The following USF1 variants were observed in gnomAD, a reference collection of about 807,000 sequenced individuals.
The protein encoded by USF1 is upstream transcription factor 1, also known as upstream stimulatory factor 1.
Under a neutral mutation model 46.3 loss-of-function variants are expected in USF1, and 22 were observed. The ratio of observed to expected loss-of-function variants is 0.47; its 90% confidence interval spans 0.34 to 0.68. The LOEUF (loss-of-function observed/expected upper bound fraction) is 0.68. Ranked by LOEUF, USF1 falls within the 30% of genes least tolerant of loss-of-function variation. The probability of loss-of-function intolerance (pLI) is 0.01; values close to 1 mark genes in which losing one functional copy is unlikely to be tolerated. For synonymous variants in USF1, 150 were observed against 147.0 expected (o/e 1.02, Z -0.15); for missense variants, 287 against 399.3 (o/e 0.72, Z 2.40).
chr1:161,043,148 A>C, intron 2 of USF1, 120 bp downstream of exon 2: 1 of 1,549,050 alleles, frequency 6.5e-7, no homozygotes, highest in Non-Finnish European at 8.9e-7. Context: ...ATCACACAGT[A>C]AGTGATAGAG....
At position 161,039,284 on chromosome 1, in the gene USF1, AAAAAAAAAAAAAAAAAGAAAAG is replaced by A. The variant is rs1650404375; in HGVS notation, c.*614_*635del. On this transcript the variant is annotated 3_prime_UTR_variant, in exon 11 of 11. Coordinates refer to ENST00000368021, the MANE Select transcript of USF1 (RefSeq NM_007122.5). The stretch of plus-strand genomic sequence containing the variant: ...AACAATTTTATCTTAAAAAAAAAAA[AAAAAAAAAAAAAAAAAGAAAAG>A]AAAAAAAAAAAACGACCCCCACAAG... 1.2e-5 allele frequency: 2 copies of A among 164,776 alleles called. No homozygotes were observed. Among genetic ancestry groups the A allele is most frequent in the Admixed American group, 1.4e-4 (2 of 14,118 alleles). The allele number at this position is 164,776 out of a possible 1,614,324, so 10.2% of individuals were successfully genotyped here.
In USF1 at chr1:161,040,478, G is replaced by A; in HGVS notation, c.714+98C>T. The A allele has an allele frequency of 6.4e-7, 1 of 1,556,608 alleles. No individual in the cohort carries two copies. Among genetic ancestry groups the A allele is most frequent in the Non-Finnish European group, 8.7e-7 (1 of 1,145,750 alleles). ...ATACAGGAACCTCAGGGAGAGATAA[G>A]ACTACTGTCATGTGTGCCCCTCTCT... On this transcript the variant is annotated intron_variant, in intron 9 of 10. Transcript: ENST00000368021. This position sits in a 1 kb window ranked among gnomAD's most constrained non-coding sequence, Gnocchi z 4.0.
rs12070248 is a variant in USF1, at chr1:161,045,921, T to G, written c.-149A>C. 1,524 of 152,434 alleles carry G rather than the reference T, an allele frequency of 1.0e-2. 28 individuals are homozygous for G. The highest frequency in any genetic ancestry group is 0.03 in the African/African-American group (1,264 of 41,550). The allele number at this position is 152,434 out of a possible 1,614,324, so 9.4% of individuals were successfully genotyped here. A position where few individuals can be genotyped will look rare whatever the true frequency, so the allele number is the denominator to read the frequency against. The stretch of plus-strand genomic sequence containing the variant: ...TGTTCTCCCTCTCCCGGCCTAGGTA[T>G]CTCCATAGACAGCTGCTCATGCGCA... On this transcript the variant is annotated 5_prime_UTR_variant, in exon 1 of 11. Transcript: ENST00000368021.
Position 161,040,212 on chromosome 1 carries a change from A to G in USF1, c.833T>C (p.Leu278Pro). The change falls in exon 10 of 11, where the codon CTT (leucine) becomes CCT (proline). Residue 278 changes from leucine (L) to proline (P), a missense_variant. Transcript: ENST00000368021. This position sits in a 1 kb window ranked among gnomAD's most constrained non-coding sequence, Gnocchi z 4.0. Reference protein sequence around the residue: ...LDQLQLDNDVLRQQVEDLKNK... With the variant: ...LDQLQLDNDVPRQQVEDLKNK... ...GGGTAGGAGTCTGACCTGTTGTCGAAGCACGTCATTGTCCAGCTGCAGTTG... is the reference window on the plus strand; with the variant it reads ...GGGTAGGAGTCTGACCTGTTGTCGAGGCACGTCATTGTCCAGCTGCAGTTG... The G allele has an allele frequency of 6.2e-7, 1 of 1,614,156 alleles. No individual in the cohort carries two copies. The highest frequency in any genetic ancestry group is 8.5e-7 in the Non-Finnish European group (1 of 1,180,032).
At position 161,043,340 on chromosome 1, in the gene USF1, C is replaced by T; in HGVS notation, c.-65G>A. ...TTGGAGGTCTTTGTATCTCCTGATTCACAGGCCTGAGTGCTAAGTCCTGGT... is the reference window on the plus strand; with the variant it reads ...TTGGAGGTCTTTGTATCTCCTGATTTACAGGCCTGAGTGCTAAGTCCTGGT... On this transcript the variant is annotated 5_prime_UTR_variant, in exon 2 of 11. Coordinates refer to ENST00000368021, the MANE Select transcript of USF1 (RefSeq NM_007122.5). 1.9e-6 allele frequency: 3 copies of T among 1,613,408 alleles called. No homozygotes were observed. The highest frequency in any genetic ancestry group is 2.2e-5 in the South Asian group (2 of 91,024).
At chr1:161,042,088 A>G (rs1167950168) in intron 5 of USF1, 28 bp downstream of exon 5, 2 of 1,588,214 alleles carry the variant, frequency 1.3e-6, no homozygotes, top group South Asian at 1.1e-5. Context: ...TCAGAACTCT[A>G]GTGACCTCCC....
At position 161,040,374 on chromosome 1, in the gene USF1, C is replaced by T. The variant is rs745488145; in HGVS notation, c.715-44G>A. On this transcript the variant is annotated intron_variant, in intron 9 of 10. Coordinates refer to ENST00000368021, the MANE Select transcript of USF1 (RefSeq NM_007122.5). This position sits in a 1 kb window ranked among gnomAD's most constrained non-coding sequence, Gnocchi z 4.0. ...AAAATGAGAACTAGGATTTCAGATA[C>T]CCAGCTTGCTTTCCAAAAGTAGGTT... The T allele has an allele frequency of 1.9e-6, 3 of 1,608,038 alleles. No homozygotes were observed. The South Asian group carries it at 3.3e-5, about 18-fold the overall frequency.
chr1:161,044,591 TTC>T (rs1268902914), intron 1 of USF1, among the ~76,000 whole-genome samples: 4 of 152,056 alleles, frequency 2.6e-5, no homozygotes, highest in Non-Finnish European at 5.9e-5. Flanking sequence ...TCTTCAAGCA[TTC>T]TCTATTTTAT....
Position 161,041,839 on chromosome 1 carries a change from A to T in USF1, c.284T>A (p.Ile95Asn). Reference sequence around the variant, plus strand: ...ATCATCACTGGTGAAAGCACCCTGGATCACCGCCTGGGAAGGGGAGCAAGA... The same window carrying T: ...ATCATCACTGGTGAAAGCACCCTGGTTCACCGCCTGGGAAGGGGAGCAAGA... ...PATQSMTQAV[I>N]QGAFTSDDAV... Residue 95 changes from isoleucine to asparagine, a missense_variant, in exon 6 of 11, where the codon ATC (isoleucine) becomes AAC (asparagine). Physicochemically the swap from Ile to Asn is moderately radical, Grantham distance 149. Coordinates refer to ENST00000368021, the MANE Select transcript of USF1 (RefSeq NM_007122.5). The T allele has an allele frequency of 6.2e-7, 1 of 1,609,396 alleles. No individual in the cohort carries two copies.
At chr1:161,045,523 C>T (rs1452745093) in intron 1 of USF1, among the ~76,000 whole-genome samples, 2 of 152,220 alleles carry the variant, frequency 1.3e-5, no homozygotes, top group South Asian at 4.1e-4. Flanking sequence ...GCGCCGTGAC[C>T]CCGCAGCCCC....
chr1:161,039,621 C>T lies in USF1; in HGVS notation c.*299G>A. On this transcript the variant is annotated 3_prime_UTR_variant, in exon 11 of 11. Coordinates refer to ENST00000368021, the MANE Select transcript of USF1 (RefSeq NM_007122.5). ...CACTCTAAGCAAGCACAGGACAAGC[C>T]CCAGAGTTTAGTGTGTCCAGTATCC... is the stretch of plus-strand genomic sequence containing the variant. 1 of 377,240 alleles carries T rather than the reference C, an allele frequency of 2.7e-6. No individual in the cohort carries two copies. Among genetic ancestry groups the T allele is most frequent in the Non-Finnish European group, 4.9e-6 (1 of 203,752 alleles). 23.4% of individuals were successfully genotyped at this position (377,240 alleles called of 1,614,324 possible).
At chr1:161,044,714 A>G (rs1406700084) in intron 1 of USF1, among the ~76,000 whole-genome samples, 1 of 151,592 alleles carries the variant, frequency 6.6e-6, no homozygotes. Context: ...AGGGTTCTGA[A>G]GAAGAGACAA....
intron 5 of USF1, 80 bp downstream of exon 5, chr1:161,042,036 G>A: frequency 6.8e-7 from 1 of 1,476,472 alleles, no homozygotes; most frequent in Non-Finnish European, 9.3e-7. Context: ...ACTGTTCCTA[G>A]CTTCACCCCC....
At chr1:161,041,522 G>T in intron 6 of USF1, 111 bp from the exon 7 acceptor site, 1 of 1,474,416 alleles carries the variant, frequency 6.8e-7, no homozygotes, top group Non-Finnish European at 9.3e-7. Context: ...TAGAAGAGCA[G>T]CCCCAGACTC....
Position 161,040,701 on chromosome 1 carries a change from C to T in USF1, c.620-31G>A. The T allele has an allele frequency of 6.2e-7, 1 of 1,611,448 alleles. No individual in the cohort carries two copies. The highest frequency in any genetic ancestry group is 8.5e-7 in the Non-Finnish European group (1 of 1,179,886). On this transcript the variant is annotated intron_variant, in intron 8 of 10. Coordinates refer to ENST00000368021, the MANE Select transcript of USF1 (RefSeq NM_007122.5). The surrounding 1 kb of genome is among the most constrained non-coding windows in gnomAD (Gnocchi z 4.0). The stretch of plus-strand genomic sequence containing the variant: ...GGGCAAAGTGGAGGACAAGGTGACT[C>T]AGTGAAAACTCGCCACAAGTCCCAG...
At position 161,039,272 on chromosome 1, in the gene USF1, T is replaced by TAAAAAAAAAAAAAAA. The variant is rs748404757; in HGVS notation, c.*633_*647dup. 1.7e-4 allele frequency: 10 copies of TAAAAAAAAAAAAAAA among 59,208 alleles called. No homozygotes were observed. Among genetic ancestry groups the TAAAAAAAAAAAAAAA allele is most frequent in the East Asian group, 6.7e-4 (1 of 1,496 alleles). 3.7% of individuals were successfully genotyped at this position (59,208 alleles called of 1,614,324 possible). ...ACTGTGGCTTTGAACAATTTTATCT[T>TAAAAAAAAAAAAAAA]AAAAAAAAAAAAAAAAAAAAAAAAA... On this transcript the variant is annotated 3_prime_UTR_variant, in exon 11 of 11. Transcript: ENST00000368021.
In USF1 at chr1:161,039,666, C is replaced by A; in HGVS notation, c.*254G>T. ...GTATCCAGCATGGAGACAGCACATG[C>A]ATTGTGCGAGAGGAGCACAAGGGCC... On this transcript the variant is annotated 3_prime_UTR_variant, in exon 11 of 11. Transcript: ENST00000368021. The A allele has an allele frequency of 1.9e-6, 1 of 522,180 alleles. No individual in the cohort carries two copies. The highest frequency in any genetic ancestry group is 1.9e-5 in the African/African-American group (1 of 52,192). The allele number at this position is 522,180 out of a possible 1,614,324, so 32.3% of individuals were successfully genotyped here. A position where few individuals can be genotyped will look rare whatever the true frequency, so the allele number is the denominator to read the frequency against.
chr1:161,042,914 A>G (rs1239846102), intron 2 of USF1, 32 bp from the exon 3 acceptor site: 4 of 1,614,198 alleles, frequency 2.5e-6, no homozygotes, highest in African/African-American at 1.3e-5. Context: ...AAGGAAGAGT[A>G]TGAGAAGAAG....
intron 5 of USF1, 63 bp downstream of exon 5, chr1:161,042,053 C>A: frequency 6.5e-7 from 1 of 1,533,316 alleles, no homozygotes. Flanking sequence ...CCCCATCCTA[C>A]TGATTCCCTT....
Sources: gnomAD v4.1 joint callset for allele counts (sites outside exome capture counted in the v4.1 genomes callset) on GRCh38, gnomAD v4.1.1 for gene constraint, Gnocchi (gnomAD v3.1) non-coding constraint, MANE v1.5 for transcripts, NCBI Gene and HGNC (gene_info 2026-07-23, HGNC 2026-07-21) for gene names.